Variants in MLIP observed in about 807,000 individuals in gnomAD.
MLIP encodes the protein muscular LMNA-interacting protein.
A neutral mutation model predicts 84.8 loss-of-function variants in MLIP; 79 were observed. That is an observed-to-expected ratio of 0.93 (90% confidence interval 0.78 to 1.12). The LOEUF (loss-of-function observed/expected upper bound fraction) is 1.12, where lower values mean the gene tolerates loss of function less well. MLIP is among the 50% of genes most tolerant of loss of function. The pLI is 0.00. For synonymous variants in MLIP, 504 were observed against 463.0 expected (o/e 1.09, Z -1.14); for missense variants, 1,257 against 1,160.6 (o/e 1.08, Z -1.21).
At chr6:54,218,695 T>G (rs1780011840) in intron 11 of MLIP, among the ~76,000 whole-genome samples, 1 of 151,958 alleles carries the variant, frequency 6.6e-6, no homozygotes, top group Non-Finnish European at 1.5e-5. Context: ...TTTGTATTTT[T>G]AGTAGAGATG....
chr6:54,140,863 G>T (rs1315496164), intron 4 of MLIP, among the ~76,000 whole-genome samples: 1 of 152,152 alleles, frequency 6.6e-6, no homozygotes, highest in Non-Finnish European at 1.5e-5. Flanking sequence ...GTGTGATATT[G>T]AAGAATTTAT....
At chr6:54,051,040 T>C (rs969441343) in intron 1 of MLIP, among the ~76,000 whole-genome samples, 3 of 152,142 alleles carry the variant, frequency 2.0e-5, no homozygotes, top group East Asian at 1.9e-4. Flanking sequence ...CTCAAGGCAC[T>C]TTTTCAAGAA....
chr6:54,043,715 C>A (rs950926184), intron 1 of MLIP, among the ~76,000 whole-genome samples: 1 of 151,964 alleles, frequency 6.6e-6, no homozygotes, highest in African/African-American at 2.4e-5. Flanking sequence ...CGGGAGTTGG[C>A]ATGTGAAAGA....
intron 9 of MLIP, among the ~76,000 whole-genome samples, chr6:54,182,848 G>T (rs890834799): frequency 2.0e-5 from 3 of 152,134 alleles, no homozygotes; most frequent in Non-Finnish European, 4.4e-5. Context: ...AAAACTCTTA[G>T]TTGGAATCAC....
chr6:54,189,564 G>A (rs9464031), intron 9 of MLIP, among the ~76,000 whole-genome samples: 4,794 of 152,202 alleles, frequency 0.031, 220 homozygotes, highest in African/African-American at 0.11. Context: ...AGGTAACCTT[G>A]AAGAAGTTTT....
At chr6:54,251,780 A>G (rs1393008964) in intron 12 of MLIP, among the ~76,000 whole-genome samples, 3 of 98,712 alleles carry the variant, frequency 3.0e-5, no homozygotes, top group East Asian at 2.9e-4. Context: ...ATATATTATA[A>G]CATATAATAT....
chr6:54,258,933 T>C, intron 13 of MLIP, among the ~76,000 whole-genome samples: 1 of 152,082 alleles, frequency 6.6e-6, no homozygotes, highest in South Asian at 2.1e-4. Context: ...ATTAGGATTT[T>C]TAATTTAGAT....
rs1331402376 is a variant in MLIP at position 54,137,962 on chromosome 6, A to G, written c.1893A>G (p.Leu631=). ...GATCTAAAAGAGCATCATCCCAACTATCTGGCCAGGAGCTGAATCCTTCAG... is the reference window on the plus strand; with the variant it reads ...GATCTAAAAGAGCATCATCCCAACTGTCTGGCCAGGAGCTGAATCCTTCAG... ...INRSKRASSQ[L]SGQELNPSAL... Residue 631 remains leucine (L), a synonymous_variant, in exon 4 of 14, where the codon CTA becomes CTG. Transcript: ENST00000502396. 1 of 1,535,884 alleles carries G rather than the reference A, an allele frequency of 6.5e-7. No individual in the cohort carries two copies. Among genetic ancestry groups the G allele is most frequent in the Non-Finnish European group, 8.7e-7 (1 of 1,146,814 alleles).
intron 1 of MLIP, among the ~76,000 whole-genome samples, chr6:54,104,341 A>C (rs1768861093): frequency 6.6e-6 from 1 of 152,166 alleles, no homozygotes; most frequent in Admixed American, 6.6e-5. Context: ...GAAGTATGTC[A>C]TGTGTTAGAA....
At chr6:54,222,697 C>A (rs1343568936) in intron 11 of MLIP, among the ~76,000 whole-genome samples, 2 of 152,072 alleles carry the variant, frequency 1.3e-5, no homozygotes, top group African/African-American at 2.4e-5. Flanking sequence ...ACAGATATCT[C>A]TTCAAGACAC....
chr6:54,200,619 TTTTTTTTTTTTTTTG>T (rs912085241), intron 10 of MLIP, among the ~76,000 whole-genome samples: 1 of 17,194 alleles, frequency 5.8e-5, no homozygotes, highest in African/African-American at 1.0e-4. Context: ...TTTTTTTTTT[TTTTTTTTTTTTTTTG>T]GCAGCACTTA....
chr6:54,222,846 A>C (rs1780309336), intron 11 of MLIP, among the ~76,000 whole-genome samples: 1 of 152,002 alleles, frequency 6.6e-6, no homozygotes, highest in African/African-American at 2.4e-5. Flanking sequence ...AACAGTGTAC[A>C]AGTGTTCTCT....
intron 4 of MLIP, 96 bp from the exon 5 acceptor site, chr6:54,148,960 A>T (rs1773152874): frequency 6.3e-6 from 6 of 952,804 alleles, no homozygotes; most frequent in Non-Finnish European, 9.9e-6. Context: ...TCTTCATTTG[A>T]TAACGTATCA....
intron 11 of MLIP, among the ~76,000 whole-genome samples, chr6:54,229,060 A>G (rs1780798891): frequency 6.6e-6 from 1 of 152,256 alleles, no homozygotes; most frequent in South Asian, 2.1e-4. Flanking sequence ...TGTTAGAGGC[A>G]TTAACCAATG....
chr6:54,163,383 G>A (rs1426845680), intron 8 of MLIP, among the ~76,000 whole-genome samples: 1 of 151,452 alleles, frequency 6.6e-6, no homozygotes, highest in Non-Finnish European at 1.5e-5. Flanking sequence ...TGTTATGTTA[G>A]GGTGAATTTT....
intron 4 of MLIP, 52 bp downstream of exon 4, chr6:54,138,338 CT>C (rs371228039): frequency 0.011 from 14,513 of 1,361,750 alleles, 133 homozygotes; most frequent in African/African-American, 0.045. Flanking sequence ...AGGGAAGAAT[CT>C]TTTTTTTTTC....
chr6:54,077,790 A>G (rs1431983520), intron 1 of MLIP, among the ~76,000 whole-genome samples: 1 of 152,236 alleles, frequency 6.6e-6, no homozygotes. Context: ...GAAGCAGATG[A>G]TAAAGCTCAG....
chr6:54,047,951 C>A (rs1041152035), intron 1 of MLIP, among the ~76,000 whole-genome samples: 3 of 152,176 alleles, frequency 2.0e-5, no homozygotes, highest in African/African-American at 4.8e-5. Context: ...CTTAACTTCT[C>A]TGCTGGTTTA....
At chr6:54,077,041 G>A (rs1424650639) in intron 1 of MLIP, among the ~76,000 whole-genome samples, 5 of 152,210 alleles carry the variant, frequency 3.3e-5, no homozygotes, top group African/African-American at 1.2e-4. Context: ...CAAATACTGA[G>A]AGAACCTCAG....
Sources: gnomAD v4.1 joint callset for allele counts (sites outside exome capture counted in the v4.1 genomes callset) on GRCh38, gnomAD v4.1.1 for gene constraint, MANE v1.5 for transcripts, NCBI Gene and HGNC (gene_info 2026-07-23, HGNC 2026-07-21) for gene names.